PCDHGB1: variants seen among roughly 807,000 people sequenced by gnomAD.
PCDHGB1 encodes protocadherin gamma-B1.
Under a neutral mutation model 56.6 loss-of-function variants are expected in PCDHGB1, and 34 were observed. The observed-to-expected ratio is 0.60, with a 90% CI of 0.46 to 0.80. The LOEUF is 0.80. Ranked by LOEUF, PCDHGB1 falls within the 30% of genes least tolerant of loss-of-function variation. The pLI is 0.00. For synonymous variants in PCDHGB1, 561 were observed against 505.9 expected (o/e 1.11, Z -1.46); for missense variants, 1,278 against 1,204.6 (o/e 1.06, Z -0.90).
At chr5:141,453,932 C>T (rs57919166) in intron 1 of PCDHGB1, among the ~76,000 whole-genome samples, 2 of 152,296 alleles carry the variant, frequency 1.3e-5, no homozygotes, top group African/African-American at 4.8e-5. Context: ...TCACTGTGTG[C>T]CTATAATTTA....
At position 141,464,036 on chromosome 5, in the gene PCDHGB1, G is replaced by A. The variant is rs907276618; in HGVS notation, c.2410-30771G>A. On this transcript the variant is annotated intron_variant, in intron 1 of 3. Coordinates refer to ENST00000523390, the MANE Select transcript of PCDHGB1 (RefSeq NM_018922.3). ...ATCCCACACTTTGGGAGGCCAAGGC[G>A]GGTGGATCACCTGAGGTCAGGAGTT... Among the ~76,000 whole-genome samples the A allele has an allele frequency of 2.6e-5, 4 of 152,096 alleles. No individual in the cohort carries two copies. The East Asian group carries it at 5.8e-4, about 22-fold the overall frequency.
intron 1 of PCDHGB1, chr5:141,390,100 C>G: frequency 6.2e-7 from 1 of 1,614,060 alleles, no homozygotes; most frequent in South Asian, 1.1e-5. Context: ...GTGGTTCCCC[C>G]CAACTACAGC....
intron 1 of PCDHGB1, chr5:141,400,635 TG>T: frequency 7.3e-7 from 1 of 1,373,110 alleles, no homozygotes; most frequent in Non-Finnish European, 1.0e-6. Flanking sequence ...AAGTCAGAGC[TG>T]CTCAGAAAGC....
At chr5:141,454,311 T>C (rs755771201) in intron 1 of PCDHGB1, among the ~76,000 whole-genome samples, 1 of 152,216 alleles carries the variant, frequency 6.6e-6, no homozygotes, top group Non-Finnish European at 1.5e-5. Context: ...TTTCAAAGCA[T>C]TGAAACCTCC....
chr5:141,415,765 T>G (rs1386091482), intron 1 of PCDHGB1: 1 of 1,364,078 alleles, frequency 7.3e-7, no homozygotes, highest in South Asian at 1.7e-5. Flanking sequence ...TTTTTTTTTT[T>G]TTTTTTTACT....
intron 1 of PCDHGB1, among the ~76,000 whole-genome samples, chr5:141,437,550 A>T (rs866913156): frequency 6.6e-6 from 1 of 152,192 alleles, no homozygotes; most frequent in African/African-American, 2.4e-5. Context: ...AGTTTTCTTT[A>T]TGACATGTAA....
chr5:141,505,326 G>A, intron 2 of PCDHGB1, 67 bp from the exon 3 acceptor site: 2 of 1,607,648 alleles, frequency 1.2e-6, no homozygotes, highest in East Asian at 2.2e-5. Context: ...AGCCCTGGGA[G>A]AGGACAGGAG....
intron 1 of PCDHGB1, among the ~76,000 whole-genome samples, chr5:141,357,914 G>A (rs1588531093): frequency 6.6e-6 from 1 of 152,274 alleles, no homozygotes; most frequent in East Asian, 1.9e-4. Flanking sequence ...TCTGTGCTGG[G>A]TGTGGTGGCT....
At chr5:141,374,716 C>A (rs752741869) in intron 1 of PCDHGB1, 3 of 1,609,798 alleles carry the variant, frequency 1.9e-6, no homozygotes, top group African/African-American at 1.3e-5. Context: ...ACCGCCTGGT[C>A]CTTACTGCCA....
intron 1 of PCDHGB1, chr5:141,441,144 T>C (rs141609485): frequency 6.6e-6 from 1 of 152,296 alleles, no homozygotes; most frequent in African/African-American, 2.4e-5. Context: ...TAGAAGATAA[T>C]GACAATATCC....
intron 1 of PCDHGB1, chr5:141,367,592 A>T (rs1303624910): frequency 1.3e-5 from 2 of 152,018 alleles, no homozygotes; most frequent in African/African-American, 2.4e-5. Flanking sequence ...AGTAGATAAA[A>T]TTTATATTAA....
intron 2 of PCDHGB1, among the ~76,000 whole-genome samples, chr5:141,495,587 C>T (rs1391263118): frequency 6.6e-6 from 1 of 152,238 alleles, no homozygotes. Context: ...TTCTCCATCT[C>T]TGTCTTAGCT....
At chr5:141,414,899 G>C (rs756810046) in intron 1 of PCDHGB1, 4 of 1,614,182 alleles carry the variant, frequency 2.5e-6, no homozygotes, top group Non-Finnish European at 3.4e-6. Context: ...CCCACAGACG[G>C]TTCCACAGGC....
At chr5:141,362,050 C>G (rs750121912) in intron 1 of PCDHGB1, 8 of 1,611,220 alleles carry the variant, frequency 5.0e-6, no homozygotes, top group Admixed American at 1.7e-5. Flanking sequence ...GGACGCGGCC[C>G]GCCAGCGCCT....
chr5:141,376,685 T>G lies in PCDHGB1; in HGVS notation c.2409+24016T>G, dbSNP rs866718563. On this transcript the variant is annotated intron_variant, in intron 1 of 3. Coordinates refer to ENST00000523390, the MANE Select transcript of PCDHGB1 (RefSeq NM_018922.3). The stretch of plus-strand genomic sequence containing the variant: ...TTCAGGTGAGGGTATCGTTTTTTTT[T>G]TTTTTTTTTTTTGAGACGGAGTCTC... The G allele has an allele frequency of 7.7e-4, 627 of 813,788 alleles. 5 individuals carry two copies. In the African/African-American group the frequency reaches 9.6e-3, roughly 12 times the overall value. 50.4% of individuals were successfully genotyped at this position (813,788 alleles called of 1,614,324 possible).
chr5:141,423,299 C>T (rs1225422770), intron 1 of PCDHGB1: 2 of 1,614,128 alleles, frequency 1.2e-6, no homozygotes, highest in Non-Finnish European at 1.7e-6. Context: ...TCAGACCTCT[C>T]GCTGTACTTG....
chr5:141,364,926 C>T, intron 1 of PCDHGB1: 2 of 1,613,906 alleles, frequency 1.2e-6, no homozygotes, highest in Non-Finnish European at 8.5e-7. Flanking sequence ...TTGGAACAGC[C>T]CCTAGACCGC....
intron 1 of PCDHGB1, chr5:141,374,366 C>T: frequency 6.2e-7 from 1 of 1,614,052 alleles, no homozygotes; most frequent in Non-Finnish European, 8.5e-7. Flanking sequence ...CCGCGAGGAG[C>T]TCTGTGCTCA....
At chr5:141,434,952 C>T (rs1362599956) in intron 1 of PCDHGB1, among the ~76,000 whole-genome samples, 2 of 151,756 alleles carry the variant, frequency 1.3e-5, no homozygotes, top group East Asian at 3.9e-4. Flanking sequence ...AATTTATTAA[C>T]AATTTATAAA....
Sources: allele counts gnomAD v4.1 joint callset (sites outside exome capture counted in the v4.1 genomes callset), GRCh38; gene constraint gnomAD v4.1.1; transcripts MANE v1.5; gene names NCBI Gene and HGNC (gene_info 2026-07-23, HGNC 2026-07-21).